Variants in ANGPTL1 observed in about 807,000 individuals in gnomAD.
ANGPTL1 encodes the protein angiopoietin like 1.
Under a neutral mutation model 46.7 loss-of-function variants are expected in ANGPTL1, and 36 were observed. That is an observed-to-expected ratio of 0.77 (90% CI 0.59 to 1.02). The LOEUF is 1.02. ANGPTL1 is among the 50% of genes least tolerant of loss of function. ANGPTL1 has a pLI of 0.00. For missense variants in ANGPTL1, 571 were observed against 594.7 expected, an observed-to-expected ratio of 0.96 and a Z score of 0.41; for synonymous variants, 221 against 204.3, an observed-to-expected ratio of 1.08 and a Z score of -0.69.
rs945451154 is a variant in ANGPTL1, at chr1:178,867,352, C to T, written c.-26-1550G>A. On this transcript the variant is annotated intron_variant, in intron 2 of 5. Coordinates refer to ENST00000234816, the MANE Select transcript of ANGPTL1 (RefSeq NM_004673.4). The stretch of plus-strand genomic sequence containing the variant: ...GTCACACAGGTTCATAGTGATGGAG[C>T]GAGAATTTGAATCCAGGCTGAAGAC... Among the ~76,000 whole-genome samples the T allele has an allele frequency of 8.5e-5, 13 of 152,120 alleles. No homozygotes were observed. The South Asian group carries it at 1.5e-3, about 17-fold the overall frequency.
intron 3 of ANGPTL1, among the ~76,000 whole-genome samples, chr1:178,859,830 C>CCG (rs1553271916): frequency 2.0e-5 from 2 of 98,540 alleles, no homozygotes; most frequent in African/African-American, 7.2e-5. Context: ...GCCCCCCCCC[C>CCG]CCCAACCGCC....
intron 3 of ANGPTL1, among the ~76,000 whole-genome samples, chr1:178,857,545 A>G (rs1359687049): frequency 6.6e-6 from 1 of 152,160 alleles, no homozygotes; most frequent in Non-Finnish European, 1.5e-5. Flanking sequence ...ACTAGCTGAG[A>G]TATCTGAGGA....
At position 178,856,425 on chromosome 1, in the gene ANGPTL1, T is replaced by TTTTTTTTTTTTTC. The variant is rs1558152837; in HGVS notation, c.824-2639_824-2638insGAAAAAAAAAAAA. Among the ~76,000 whole-genome samples the TTTTTTTTTTTTTC allele has an allele frequency of 2.4e-5, 3 of 126,536 alleles. No homozygotes were observed. In the East Asian group the frequency reaches 6.9e-4, roughly 29 times the overall value. 83.0% of individuals were successfully genotyped at this position (126,536 alleles called of 152,430 possible). On this transcript the variant is annotated intron_variant, in intron 3 of 5. Coordinates refer to ENST00000234816, the MANE Select transcript of ANGPTL1 (RefSeq NM_004673.4). ...TTTTTTTTTTTTTTTTTTTTTTTTT[T>TTTTTTTTTTTTTC]TGAGAGATGAGGTCTTGGTACATTG...
At chr1:178,859,428 G>C (rs575760192) in intron 3 of ANGPTL1, among the ~76,000 whole-genome samples, 1 of 128,694 alleles carries the variant, frequency 7.8e-6, no homozygotes, top group East Asian at 2.1e-4. Flanking sequence ...TTTTTGAGAC[G>C]GAGTCTCGCT....
In ANGPTL1 at chr1:178,865,723, A is replaced by G. The variant is rs1658361256; in HGVS notation, c.54T>C (p.Thr18=). Residue 18 remains threonine (T), a synonymous_variant, in exon 3 of 6, where the codon ACT becomes ACC. Coordinates refer to ENST00000234816, the MANE Select transcript of ANGPTL1 (RefSeq NM_004673.4). ...LGVLFFLLVD[T]GHCRGGQFKI... is the part of the protein sequence containing the mutation. ...TGAATTGTCCACCTCTGCAATGTCC[A>G]GTGTCCACTAGTAGGAAGAATAGCA... is the stretch of plus-strand genomic sequence containing the variant. 6.2e-7 allele frequency: 1 copy of G among 1,613,382 alleles called. No individual in the cohort carries two copies. The highest frequency in any genetic ancestry group is 8.5e-7 in the Non-Finnish European group (1 of 1,179,892).
In ANGPTL1 at chr1:178,852,811, C is replaced by T. The variant is rs374600280; in HGVS notation, c.1160G>A (p.Arg387His). Residue 387 changes from arginine to histidine, a missense_variant, in exon 5 of 6, where the codon CGT becomes CAT. Physicochemically the swap from Arg to His is conservative, Grantham distance 29 (BLOSUM62 0). Coordinates refer to ENST00000234816, the MANE Select transcript of ANGPTL1 (RefSeq NM_004673.4). ...KKVYAEYSSF[R>H]LEPESEFYRL... Reference sequence around the variant, plus strand: ...ATAGAATTCACTTTCAGGTTCCAGACGAAAGCTGCTGTATTCTGCATAGAC... The same window carrying T: ...ATAGAATTCACTTTCAGGTTCCAGATGAAAGCTGCTGTATTCTGCATAGAC... The T allele has an allele frequency of 1.9e-5, 31 of 1,613,776 alleles. No individual in the cohort carries two copies. Among genetic ancestry groups the T allele is most frequent in the Middle Eastern group, 1.6e-4 (1 of 6,084 alleles).
At position 178,865,803 on chromosome 1, in the gene ANGPTL1, C is replaced by T; in HGVS notation, c.-26-1G>A. ...TTGAAATGAGGTTGTAAAATGATGTCTTTTGAAAAACAAATCAGTGAAGGA... is the reference window on the plus strand; with the variant it reads ...TTGAAATGAGGTTGTAAAATGATGTTTTTTGAAAAACAAATCAGTGAAGGA... On this transcript the variant is annotated splice_acceptor_variant, in intron 2 of 5. Transcript: ENST00000234816. LOFTEE classifies it low-confidence loss of function (5UTR_SPLICE). The T allele has an allele frequency of 1.3e-6, 2 of 1,512,738 alleles. No homozygotes were observed. Among genetic ancestry groups the T allele is most frequent in the Non-Finnish European group, 1.8e-6 (2 of 1,128,946 alleles). The allele number at this position is 1,512,738 out of a possible 1,614,324, so 93.7% of individuals were successfully genotyped here.
intron 3 of ANGPTL1, among the ~76,000 whole-genome samples, chr1:178,859,695 C>CTTT (rs1190050936): frequency 3.9e-4 from 42 of 108,278 alleles, no homozygotes; most frequent in Non-Finnish European, 5.0e-4. Context: ...ACACGAAGCA[C>CTTT]TTTTTTTTTT....
intron 1 of ANGPTL1, among the ~76,000 whole-genome samples, chr1:178,869,503 G>A (rs558377598): frequency 3.9e-5 from 6 of 152,140 alleles, no homozygotes; most frequent in South Asian, 4.1e-4. Context: ...TTAAGACAGC[G>A]TCAGTAAGAA....
Position 178,853,649 on chromosome 1 carries a change from A to G in ANGPTL1, c.962T>C (p.Ile321Thr), listed in dbSNP as rs1657333136. ...NSLDPGGWTV[I>T]QKRTDGSVNF... is the part of the protein sequence containing the mutation. Reference sequence around the variant, plus strand: ...GACAGAGCCGTCTGTTCTTTTCTGAATAACAGTCCAACCCCCAGGGTCCAA... The same window carrying G: ...GACAGAGCCGTCTGTTCTTTTCTGAGTAACAGTCCAACCCCCAGGGTCCAA... The change falls in exon 4 of 6, where the codon ATT (isoleucine) becomes ACT (threonine). Residue 321 changes from isoleucine (I) to threonine (T), a missense_variant. Ile to Thr is a moderately conservative substitution (Grantham distance 89). Transcript: ENST00000234816. The G allele has an allele frequency of 1.2e-6, 2 of 1,611,694 alleles. No homozygotes were observed. The highest frequency in any genetic ancestry group is 1.7e-6 in the Non-Finnish European group (2 of 1,179,054).
chr1:178,858,687 G>A (rs930824425), intron 3 of ANGPTL1, among the ~76,000 whole-genome samples: 1 of 152,058 alleles, frequency 6.6e-6, no homozygotes, highest in Admixed American at 6.5e-5. Flanking sequence ...CTGATTTATA[G>A]AAAGAAAAAT....
rs1161819985 is a variant in ANGPTL1 at position 178,850,846 on chromosome 1, T to A, written c.*283A>T. On this transcript the variant is annotated 3_prime_UTR_variant, in exon 6 of 6. Transcript: ENST00000234816. ...TATGATTTAAAATATAGCTAAGATT[T>A]GCTTTACATTGTGGCAAATATTTAC... The A allele has an allele frequency of 4.0e-6, 1 of 250,508 alleles. No homozygotes were observed. The highest frequency in any genetic ancestry group is 2.2e-5 in the African/African-American group (1 of 44,934). 15.5% of individuals were successfully genotyped at this position (250,508 alleles called of 1,614,324 possible). A position where few individuals can be genotyped will look rare whatever the true frequency, so the allele number is the denominator to read the frequency against.
At chr1:178,856,198 G>GATATATATATATATATATATATAT (rs1232946834) in intron 3 of ANGPTL1, among the ~76,000 whole-genome samples, 5 of 47,266 alleles carry the variant, frequency 1.1e-4, no homozygotes, top group African/African-American at 3.1e-4. Flanking sequence ...TCCAGAGAGA[G>GATATATATATATATATATATATAT]AGAGATATAT....
chr1:178,869,820 A>G (rs1362833567), intron 1 of ANGPTL1, among the ~76,000 whole-genome samples: 1 of 152,164 alleles, frequency 6.6e-6, no homozygotes, highest in Non-Finnish European at 1.5e-5. Context: ...GGTTTAAGGC[A>G]TACTATTGGT....
rs893651383 is a variant in ANGPTL1 at position 178,850,147 on chromosome 1, C to T, written c.*982G>A. 6.6e-6 allele frequency: 1 copy of T among 152,606 alleles called. No homozygotes were observed. The highest frequency in any genetic ancestry group is 2.4e-5 in the African/African-American group (1 of 41,426). 9.5% of individuals were successfully genotyped at this position (152,606 alleles called of 1,614,324 possible). A position where few individuals can be genotyped will look rare whatever the true frequency, so the allele number is the denominator to read the frequency against. ...GAATTCTCAGTATCGGGAAAACAGCCAACAGTTCCTTGAGTTTGTTTTAGT... is the reference window on the plus strand; with the variant it reads ...GAATTCTCAGTATCGGGAAAACAGCTAACAGTTCCTTGAGTTTGTTTTAGT... On this transcript the variant is annotated 3_prime_UTR_variant, in exon 6 of 6. Coordinates refer to ENST00000234816, the MANE Select transcript of ANGPTL1 (RefSeq NM_004673.4).
intron 3 of ANGPTL1, among the ~76,000 whole-genome samples, chr1:178,859,852 G>C (rs1048175558): frequency 1.1e-4 from 11 of 97,676 alleles, no homozygotes; most frequent in Non-Finnish European, 2.0e-4. Context: ...AAGTAGCTGG[G>C]ACTACAGGCG....
Position 178,853,583 on chromosome 1 carries a change from C to A in ANGPTL1, c.1017+11G>T. The A allele has an allele frequency of 6.3e-7, 1 of 1,575,666 alleles. No individual in the cohort carries two copies. The highest frequency in any genetic ancestry group is 8.6e-7 in the Non-Finnish European group (1 of 1,164,692). Reference sequence around the variant, plus strand: ...TGTTTTACTTCCCTTAGGTCTGCATCACTGATTTACCTTATAATTTTCCCA... The same window carrying A: ...TGTTTTACTTCCCTTAGGTCTGCATAACTGATTTACCTTATAATTTTCCCA... On this transcript the variant is annotated intron_variant, in intron 4 of 5. Coordinates refer to ENST00000234816, the MANE Select transcript of ANGPTL1 (RefSeq NM_004673.4).
At chr1:178,856,946 A>G (rs1657626026) in intron 3 of ANGPTL1, among the ~76,000 whole-genome samples, 1 of 152,172 alleles carries the variant, frequency 6.6e-6, no homozygotes, top group Non-Finnish European at 1.5e-5. Context: ...TGTGCTTGGA[A>G]AAAATCCCAT....
At chr1:178,868,249 A>T (rs1376989442) in intron 2 of ANGPTL1, among the ~76,000 whole-genome samples, 1 of 151,960 alleles carries the variant, frequency 6.6e-6, no homozygotes, top group Non-Finnish European at 1.5e-5. Context: ...AACATTTATT[A>T]TATCTCCAGA....
Sources: gnomAD v4.1 joint callset for allele counts (sites outside exome capture counted in the v4.1 genomes callset) on GRCh38, gnomAD v4.1.1 for gene constraint, MANE v1.5 for transcripts, NCBI Gene and HGNC (gene_info 2026-07-23, HGNC 2026-07-21) for gene names.